The following CRACDL variants were observed in gnomAD, a reference collection of about 807,000 sequenced individuals.
The protein encoded by CRACDL is CRACD like.
Under a neutral mutation model 70.6 loss-of-function variants are expected in CRACDL, and 26 were observed. That is an observed-to-expected ratio of 0.37 (90% CI 0.27 to 0.51). The LOEUF is 0.51. Ranked by LOEUF, CRACDL falls within the 20% of genes least tolerant of loss-of-function variation. The pLI is 0.94. For missense variants in CRACDL, 1,283 were observed against 1,376.9 expected (o/e 0.93, Z 1.08); for synonymous variants, 618 against 615.2 (o/e 1.00, Z -0.07).
intron 3 of CRACDL, among the ~76,000 whole-genome samples, chr2:98,833,370 G>A (rs1023929292): frequency 6.6e-6 from 1 of 152,250 alleles, no homozygotes; most frequent in Non-Finnish European, 1.5e-5. Flanking sequence ...GTGAGGTCAC[G>A]CCTTGTGGGC....
At chr2:98,929,198 T>C (rs965320991) in intron 1 of CRACDL, among the ~76,000 whole-genome samples, 1 of 151,700 alleles carries the variant, frequency 6.6e-6, no homozygotes, top group Non-Finnish European at 1.5e-5. Flanking sequence ...AGGAGGGAGG[T>C]GTTAAACCCA....
intron 5 of CRACDL, among the ~76,000 whole-genome samples, chr2:98,827,723 G>GT (rs999436465): frequency 2.6e-5 from 4 of 152,236 alleles, no homozygotes; most frequent in African/African-American, 9.6e-5. Flanking sequence ...CAGAGAACCT[G>GT]TGTCTCAGGC....
intron 1 of CRACDL, among the ~76,000 whole-genome samples, chr2:98,882,869 G>C (rs1190926824): frequency 5.3e-5 from 8 of 152,210 alleles, no homozygotes; most frequent in South Asian, 2.1e-4. Flanking sequence ...TCTAAGGCAG[G>C]TATCAGTAGA....
intron 6 of CRACDL, among the ~76,000 whole-genome samples, chr2:98,824,272 T>C (rs1199950219): frequency 6.7e-6 from 1 of 150,046 alleles, no homozygotes; most frequent in Non-Finnish European, 1.5e-5. Flanking sequence ...GACTGTCACC[T>C]CCCCACTCTC....
chr2:98,849,535 G>A (rs943580721), intron 1 of CRACDL, among the ~76,000 whole-genome samples: 15 of 152,170 alleles, frequency 9.9e-5, no homozygotes, highest in African/African-American at 2.4e-4. Context: ...AAAGCTGCAC[G>A]GGGCAGAGGG....
At chr2:98,826,912 G>GA in intron 6 of CRACDL, 63 bp downstream of exon 6, 2 of 1,288,990 alleles carry the variant, frequency 1.6e-6, no homozygotes, top group Admixed American at 1.9e-5. Context: ...AGGTTGGGGG[G>GA]GGGCATAGGG....
chr2:98,838,293 C>G lies in CRACDL; in HGVS notation c.71-6G>C. The G allele has an allele frequency of 2.0e-6, 3 of 1,508,312 alleles. No individual in the cohort carries two copies. The highest frequency in any genetic ancestry group is 1.8e-6 in the Non-Finnish European group (2 of 1,099,768). 93.4% of individuals were successfully genotyped at this position (1,508,312 alleles called of 1,614,324 possible). ...GAATTTAGATTTTTTCTTTCCTATA[C>G]AGATTAGAGAAAAAAATAATAAATA... On this transcript the variant is annotated splice_region_variant and splice_polypyrimidine_tract_variant and intron_variant, in intron 2 of 9. Transcript: ENST00000397899.
intron 7 of CRACDL, 98 bp downstream of exon 7, chr2:98,821,759 T>C: frequency 7.0e-7 from 1 of 1,430,510 alleles, no homozygotes; most frequent in South Asian, 1.3e-5. Context: ...TGCAACAAAG[T>C]TTGTACCAGG....
intron 7 of CRACDL, among the ~76,000 whole-genome samples, chr2:98,816,776 T>C (rs1423199596): frequency 6.6e-6 from 1 of 152,166 alleles, no homozygotes; most frequent in Non-Finnish European, 1.5e-5. Context: ...GAAGGGACTG[T>C]GAAGGGAAGG....
chr2:98,845,814 A>T (rs1250933402), intron 2 of CRACDL, among the ~76,000 whole-genome samples: 1 of 152,190 alleles, frequency 6.6e-6, no homozygotes, highest in Non-Finnish European at 1.5e-5. Flanking sequence ...AAAAACCCTC[A>T]CCTTATATTT....
chr2:98,869,248 T>G, intron 1 of CRACDL: 1 of 1,272,322 alleles, frequency 7.9e-7, no homozygotes, highest in Non-Finnish European at 1.0e-6. Context: ...TCAAGAGCCC[T>G]TGTCCCCATC....
intron 1 of CRACDL, among the ~76,000 whole-genome samples, chr2:98,868,303 C>A (rs1707222553): frequency 1.3e-5 from 2 of 152,188 alleles, no homozygotes; most frequent in Non-Finnish European, 1.5e-5. Flanking sequence ...AAAGAAGCAA[C>A]AACAATTTCC....
At chr2:98,833,083 G>A (rs745842821) in intron 3 of CRACDL, 86 bp from the exon 4 acceptor site, 2 of 1,275,938 alleles carry the variant, frequency 1.6e-6, no homozygotes, top group African/African-American at 1.5e-5. Flanking sequence ...AGGGATGTGA[G>A]TGAACAGAAC....
intron 1 of CRACDL, among the ~76,000 whole-genome samples, chr2:98,906,586 G>A (rs888535105): frequency 1.6e-4 from 25 of 152,128 alleles, no homozygotes; most frequent in Non-Finnish European, 3.5e-4. Context: ...TTCCTCATTT[G>A]AGATAATATA....
intron 1 of CRACDL, among the ~76,000 whole-genome samples, chr2:98,877,783 A>T (rs1214546258): frequency 1.3e-5 from 2 of 152,078 alleles, no homozygotes; most frequent in East Asian, 3.9e-4. Context: ...AAATAAATTT[A>T]GTATATCCTC....
chr2:98,897,775 T>C (rs1442000220), intron 1 of CRACDL, among the ~76,000 whole-genome samples: 2 of 152,224 alleles, frequency 1.3e-5, no homozygotes, highest in Non-Finnish European at 2.9e-5. Flanking sequence ...TGTTTGACAA[T>C]GTACCCAGCA....
chr2:98,897,406 C>T (rs1417833335), intron 1 of CRACDL: 5 of 1,303,656 alleles, frequency 3.8e-6, no homozygotes, highest in Non-Finnish European at 4.0e-6. Context: ...CCAAAGAAAT[C>T]ATCTCAGTCA....
At chr2:98,826,202 T>C (rs1705294452) in intron 6 of CRACDL, among the ~76,000 whole-genome samples, 1 of 152,178 alleles carries the variant, frequency 6.6e-6, no homozygotes, top group South Asian at 2.1e-4. Context: ...AACGACACCC[T>C]GAGGCAGCAC....
At chr2:98,802,471 ACTGAG>A (rs1238686846) in intron 7 of CRACDL, among the ~76,000 whole-genome samples, 1 of 151,550 alleles carries the variant, frequency 6.6e-6, no homozygotes, top group African/African-American at 2.4e-5. Context: ...TGGCATTATT[ACTGAG>A]CTATTTGTAT....
Sources: gnomAD v4.1 joint callset for allele counts (sites outside exome capture counted in the v4.1 genomes callset) on GRCh38, gnomAD v4.1.1 for gene constraint, MANE v1.5 for transcripts, NCBI Gene and HGNC (gene_info 2026-07-23, HGNC 2026-07-21) for gene names.